The following ZNF385D variants were observed in gnomAD, a reference collection of about 807,000 sequenced individuals.
The protein encoded by ZNF385D is zinc finger protein 385D.
In ZNF385D, 15 loss-of-function variants were observed where a neutral mutation model predicts 35.8. The observed-to-expected ratio is 0.42, with a 90% CI of 0.28 to 0.64. The LOEUF (loss-of-function observed/expected upper bound fraction) is 0.64. ZNF385D is among the 30% of genes least tolerant of loss of function. The pLI is 0.23. For missense variants in ZNF385D, 474 were observed against 494.6 expected, an observed-to-expected ratio of 0.96 and a Z score of 0.39; for synonymous variants, 212 against 186.8, an observed-to-expected ratio of 1.13 and a Z score of -1.10.
chr3:22,150,777 G>T (rs1054694001), intron 3 of ZNF385D, among the ~76,000 whole-genome samples: 2 of 152,028 alleles, frequency 1.3e-5, no homozygotes, highest in Admixed American at 6.6e-5. Flanking sequence ...ATTAGTAGAA[G>T]CTTTAGCTTA....
At chr3:22,168,899 A>C in exon 3 of ZNF385D, 7 of 985,836 alleles carry the variant, frequency 7.1e-6, no homozygotes, top group Non-Finnish European at 7.2e-6. Context: ...TTTGTGCTTG[A>C]GCGGCTGAAT....
chr3:22,126,651 T>A (rs1703448035), intron 3 of ZNF385D, among the ~76,000 whole-genome samples: 2 of 152,142 alleles, frequency 1.3e-5, no homozygotes, highest in Non-Finnish European at 2.9e-5. Context: ...AAAATGTGTA[T>A]TCTGCAGCCA....
At chr3:21,626,218 C>G (rs1185955906) in intron 2 of ZNF385D, among the ~76,000 whole-genome samples, 1 of 152,008 alleles carries the variant, frequency 6.6e-6, no homozygotes, top group Non-Finnish European at 1.5e-5. Context: ...GGTTGTAGAA[C>G]AAACCCACAC....
chr3:22,108,808 T>C (rs1702360205), intron 3 of ZNF385D, among the ~76,000 whole-genome samples: 1 of 152,002 alleles, frequency 6.6e-6, no homozygotes, highest in Non-Finnish European at 1.5e-5. Flanking sequence ...AGGTCATGAG[T>C]TCGAGACCAG....
chr3:21,921,157 A>C (rs1048255299), intron 3 of ZNF385D, among the ~76,000 whole-genome samples: 181 of 133,352 alleles, frequency 1.4e-3, no homozygotes, highest in African/African-American at 4.8e-3. Context: ...CGGGAGGCGG[A>C]GTTTGCAGTG....
At chr3:21,997,319 G>A (rs112340222) in intron 3 of ZNF385D, among the ~76,000 whole-genome samples, 1 of 152,036 alleles carries the variant, frequency 6.6e-6, no homozygotes, top group African/African-American at 2.4e-5. Context: ...TGGACACAGG[G>A]TGGGGAACAT....
At chr3:21,497,224 C>T (rs796592481) in intron 4 of ZNF385D, among the ~76,000 whole-genome samples, 5 of 152,022 alleles carry the variant, frequency 3.3e-5, no homozygotes, top group Non-Finnish European at 7.4e-5. Context: ...AATCAATGTA[C>T]AAAAATCAGT....
At chr3:21,942,601 T>C (rs1418732496) in intron 3 of ZNF385D, 1 of 152,232 alleles carries the variant, frequency 6.6e-6, no homozygotes, top group East Asian at 1.9e-4. Context: ...GGGGCATCTG[T>C]GATGAAGTGC....
intron 3 of ZNF385D, among the ~76,000 whole-genome samples, chr3:22,066,532 C>CTGTGTGTG (rs10536628): frequency 3.3e-5 from 3 of 91,316 alleles, no homozygotes; most frequent in South Asian, 9.1e-4. Flanking sequence ...AGATGGTTCC[C>CTGTGTGTG]TGTGTGTGTG....
intron 3 of ZNF385D, among the ~76,000 whole-genome samples, chr3:21,523,333 C>T (rs1329694068): frequency 6.6e-6 from 1 of 152,150 alleles, no homozygotes; most frequent in African/African-American, 2.4e-5. Flanking sequence ...TGTAGCCCCA[C>T]TTCTCAACCC....
At chr3:22,085,292 C>G (rs1465054111) in intron 3 of ZNF385D, among the ~76,000 whole-genome samples, 1 of 152,094 alleles carries the variant, frequency 6.6e-6, no homozygotes, top group Non-Finnish European at 1.5e-5. Context: ...AATCCAGAAG[C>G]TGGTTTTTTG....
intron 2 of ZNF385D, among the ~76,000 whole-genome samples, chr3:22,263,882 A>G (rs948108591): frequency 1.3e-5 from 2 of 151,980 alleles, no homozygotes; most frequent in African/African-American, 4.8e-5. Flanking sequence ...CATGCAAAAA[A>G]TAATTTACTG....
At chr3:21,935,568 C>G (rs1701218588) in intron 3 of ZNF385D, among the ~76,000 whole-genome samples, 1 of 152,152 alleles carries the variant, frequency 6.6e-6, no homozygotes. Flanking sequence ...GACCTGTACA[C>G]TTGAGATTTC....
At chr3:22,229,951 T>C (rs148290430) in intron 2 of ZNF385D, among the ~76,000 whole-genome samples, 3 of 152,318 alleles carry the variant, frequency 2.0e-5, no homozygotes, top group Non-Finnish European at 4.4e-5. Flanking sequence ...TCCACTTTTC[T>C]AACACCTTGC....
intron 4 of ZNF385D, among the ~76,000 whole-genome samples, chr3:21,467,219 C>A (rs149719526): frequency 2.0e-5 from 3 of 152,188 alleles, no homozygotes; most frequent in African/African-American, 7.2e-5. Flanking sequence ...TTGCTTGAAC[C>A]TGACTTACTT....
intron 1 of ZNF385D, among the ~76,000 whole-genome samples, chr3:21,722,252 C>A (rs1399864963): frequency 6.6e-6 from 1 of 152,190 alleles, no homozygotes; most frequent in Non-Finnish European, 1.5e-5. Flanking sequence ...TTTCCCTTCC[C>A]TGTGGTTGAG....
At chr3:21,651,833 T>C (rs1402539693) in intron 2 of ZNF385D, among the ~76,000 whole-genome samples, 2 of 152,166 alleles carry the variant, frequency 1.3e-5, no homozygotes, top group African/African-American at 2.4e-5. Flanking sequence ...AAGCATCAAA[T>C]TGACATTTTA....
intron 3 of ZNF385D, among the ~76,000 whole-genome samples, chr3:22,095,911 T>C (rs1037830529): frequency 1.3e-5 from 2 of 151,954 alleles, no homozygotes; most frequent in Non-Finnish European, 2.9e-5. Flanking sequence ...ATATTCACCA[T>C]ATTATATCTA....
intron 2 of ZNF385D, among the ~76,000 whole-genome samples, chr3:21,600,819 A>C (rs1386080851): frequency 6.6e-6 from 1 of 152,140 alleles, no homozygotes; most frequent in Non-Finnish European, 1.5e-5. Context: ...AATTATAAAT[A>C]TGAGAGTATA....
Sources: allele counts gnomAD v4.1 joint callset (sites outside exome capture counted in the v4.1 genomes callset), GRCh38; gene constraint gnomAD v4.1.1; transcripts MANE v1.5; gene names NCBI Gene and HGNC (gene_info 2026-07-23, HGNC 2026-07-21).